The following ADGRL3 variants were observed in gnomAD, a reference collection of about 807,000 sequenced individuals.
ADGRL3 encodes the protein adhesion G protein-coupled receptor L3.
Under a neutral mutation model 153.5 loss-of-function variants are expected in ADGRL3, and 62 were observed. The ratio of observed to expected loss-of-function variants is 0.40; its 90% confidence interval spans 0.33 to 0.50. The LOEUF (loss-of-function observed/expected upper bound fraction) is 0.50. ADGRL3 is among the 20% of genes least tolerant of loss of function. ADGRL3 has a pLI of 0.47. For missense variants in ADGRL3, 1,641 were observed against 1,859.4 expected, an observed-to-expected ratio of 0.88 and a Z score of 2.16; for synonymous variants, 710 against 672.5, an observed-to-expected ratio of 1.06 and a Z score of -0.86.
At chr4:61,910,962 A>T (rs1319256747) in intron 12 of ADGRL3, among the ~76,000 whole-genome samples, 1 of 151,192 alleles carries the variant, frequency 6.6e-6, no homozygotes, top group African/African-American at 2.4e-5. Context: ...ATAAATTATT[A>T]TTATTATTAT....
rs111269699 is a variant in ADGRL3 at position 61,226,453 on chromosome 4, T to C, written c.-240+24688T>C. 2.9e-4 allele frequency among the ~76,000 whole-genome samples: 44 copies of C among 152,314 alleles called. 1 individual carries two copies. The highest frequency in any genetic ancestry group is 9.6e-4 in the African/African-American group (40 of 41,576). ...TCCTTTCTACAGTGTCAGAAATCTC[T>C]TGTTTTCTGTGCACATGTGTGGTTA... On this transcript the variant is annotated intron_variant, in intron 1 of 26. Coordinates refer to ENST00000683033, the MANE Select transcript of ADGRL3 (RefSeq NM_001387552.1).
intron 2 of ADGRL3, among the ~76,000 whole-genome samples, chr4:61,406,219 A>C (rs1435829695): frequency 1.3e-5 from 2 of 151,892 alleles, no homozygotes; most frequent in Non-Finnish European, 2.9e-5. Flanking sequence ...CACATAGCTA[A>C]CATGTGGGAA....
At chr4:61,756,796 C>G (rs923529607) in intron 8 of ADGRL3, among the ~76,000 whole-genome samples, 1 of 152,088 alleles carries the variant, frequency 6.6e-6, no homozygotes. Flanking sequence ...TATGTCCCAT[C>G]AATACCTAAT....
chr4:61,934,880 C>G lies in ADGRL3; in HGVS notation c.2153C>G (p.Ala718Gly). Residue 718 changes from alanine (A) to glycine (G), a missense_variant, in exon 14 of 27, where the codon GCT becomes GGT. Physicochemically the swap from Ala to Gly is moderately conservative, Grantham distance 60. Coordinates refer to ENST00000683033, the MANE Select transcript of ADGRL3 (RefSeq NM_001387552.1). ...GTTAACAACCTCCTTCAGCCACAAG[C>G]TTTGAATGCATGGAGAGACCTGACT... is the stretch of plus-strand genomic sequence containing the variant. Reference protein sequence around the residue: ...ETVNNLLQPQALNAWRDLTTS... With the variant: ...ETVNNLLQPQGLNAWRDLTTS... 1 of 1,613,776 alleles carries G rather than the reference C, an allele frequency of 6.2e-7. No homozygotes were observed. The highest frequency in any genetic ancestry group is 8.5e-7 in the Non-Finnish European group (1 of 1,179,780).
At position 61,605,891 on chromosome 4, in the gene ADGRL3, A is replaced by C. The variant is rs146230572; in HGVS notation, c.473+18451A>C. 2.1e-4 allele frequency among the ~76,000 whole-genome samples: 32 copies of C among 152,170 alleles called. 1 individual carries two copies. The East Asian group carries it at 6.0e-3, about 28-fold the overall frequency. On this transcript the variant is annotated intron_variant, in intron 5 of 26. Coordinates refer to ENST00000683033, the MANE Select transcript of ADGRL3 (RefSeq NM_001387552.1). ...TCATCTAAGATATTCTTCCACATAC[A>C]CTCCTCAGCCAGGAATCATACTAAA...
chr4:61,701,002 C>T (rs1210072524), intron 6 of ADGRL3, among the ~76,000 whole-genome samples: 1 of 152,136 alleles, frequency 6.6e-6, no homozygotes, highest in Admixed American at 6.5e-5. Flanking sequence ...AGTCGTTACA[C>T]AGAGTGATAC....
chr4:61,380,981 T>C (rs2096660484), intron 1 of ADGRL3, among the ~76,000 whole-genome samples: 1 of 151,930 alleles, frequency 6.6e-6, no homozygotes, highest in African/African-American at 2.4e-5. Context: ...CCTGCTCGCC[T>C]TTTTCTTTCT....
At chr4:62,022,620 T>C (rs1357883688) in intron 21 of ADGRL3, among the ~76,000 whole-genome samples, 1 of 152,124 alleles carries the variant, frequency 6.6e-6, no homozygotes, top group Admixed American at 6.6e-5. Context: ...ATGCAACTGG[T>C]GAATGTAAGT....
At chr4:61,207,040 G>C (rs896274046) in intron 1 of ADGRL3, among the ~76,000 whole-genome samples, 3 of 151,110 alleles carry the variant, frequency 2.0e-5, no homozygotes, top group African/African-American at 7.3e-5. Context: ...AGTCACTTTA[G>C]GTCATTTATT....
chr4:61,647,388 T>G (rs2094061106), intron 5 of ADGRL3, among the ~76,000 whole-genome samples: 1 of 152,194 alleles, frequency 6.6e-6, no homozygotes, highest in Non-Finnish European at 1.5e-5. Context: ...TTGAGTTTTA[T>G]TATCTTAGAA....
At chr4:61,354,316 T>C (rs1258084406) in intron 1 of ADGRL3, among the ~76,000 whole-genome samples, 1 of 152,194 alleles carries the variant, frequency 6.6e-6, no homozygotes, top group Non-Finnish European at 1.5e-5. Context: ...ATTGCTTCTC[T>C]AGGACAGTTT....
At chr4:61,779,883 G>C (rs1470433153) in intron 8 of ADGRL3, among the ~76,000 whole-genome samples, 3 of 151,904 alleles carry the variant, frequency 2.0e-5, no homozygotes, top group African/African-American at 4.8e-5. Context: ...AAATCACCCC[G>C]GGATCATGTT....
At chr4:61,873,116 T>C (rs1425434858) in intron 9 of ADGRL3, among the ~76,000 whole-genome samples, 2 of 152,176 alleles carry the variant, frequency 1.3e-5, no homozygotes, top group East Asian at 3.9e-4. Context: ...ATCTATGAGG[T>C]ATGCTTATGT....
chr4:61,773,732 A>G (rs191952128), intron 8 of ADGRL3, among the ~76,000 whole-genome samples: 6 of 152,310 alleles, frequency 3.9e-5, no homozygotes, highest in African/African-American at 9.6e-5. Flanking sequence ...ACAGATTAAC[A>G]AGAGAAAAAC....
At chr4:61,367,479 T>A (rs563163940) in intron 1 of ADGRL3, among the ~76,000 whole-genome samples, 43 of 151,242 alleles carry the variant, frequency 2.8e-4, no homozygotes, top group South Asian at 2.7e-3. Flanking sequence ...TGAGTGAGAA[T>A]ATGCGGTGTT....
chr4:61,876,908 T>TAAAA (rs33929278), intron 9 of ADGRL3, among the ~76,000 whole-genome samples: 2 of 135,604 alleles, frequency 1.5e-5, no homozygotes, highest in African/African-American at 2.7e-5. Context: ...GCTTTCACTT[T>TAAAA]AAAAAAAAAA....
intron 8 of ADGRL3, among the ~76,000 whole-genome samples, chr4:61,737,318 A>G (rs1441716228): frequency 6.6e-6 from 1 of 152,190 alleles, no homozygotes; most frequent in Non-Finnish European, 1.5e-5. Context: ...AGATTTTTAT[A>G]TAAAGGGGTA....
At chr4:61,345,627 G>C (rs2151216017) in intron 1 of ADGRL3, among the ~76,000 whole-genome samples, 1 of 152,236 alleles carries the variant, frequency 6.6e-6, no homozygotes, top group Non-Finnish European at 1.5e-5. Context: ...AACTCATTAA[G>C]GAAATTGTAC....
intron 2 of ADGRL3, among the ~76,000 whole-genome samples, chr4:61,437,105 T>C (rs1360432807): frequency 1.3e-5 from 2 of 152,134 alleles, no homozygotes; most frequent in Non-Finnish European, 2.9e-5. Context: ...GAAGAAGAAT[T>C]TGTCAAAATA....
Sources: allele counts gnomAD v4.1 joint callset (sites outside exome capture counted in the v4.1 genomes callset), GRCh38; gene constraint gnomAD v4.1.1; transcripts MANE v1.5; gene names NCBI Gene and HGNC (gene_info 2026-07-23, HGNC 2026-07-21).